The following DDX19B variants were observed in gnomAD, a reference collection of about 807,000 sequenced individuals.
DDX19B encodes the protein ATP-dependent RNA helicase DDX19B.
A neutral mutation model predicts 58.1 loss-of-function variants in DDX19B; 27 were observed. That is an observed-to-expected ratio of 0.46 (90% CI 0.34 to 0.64). The LOEUF is 0.64. Among genes scored for constraint, DDX19B ranks in the 30% least tolerant of loss-of-function variants. The pLI is 0.01. For synonymous variants in DDX19B, 187 were observed against 214.4 expected (o/e 0.87, Z 1.12); for missense variants, 399 against 596.5 (o/e 0.67, Z 3.45).
chr16:70,319,719 T>G (rs947544167), intron 5 of DDX19B: 1 of 151,910 alleles, frequency 6.6e-6, no homozygotes, highest in Non-Finnish European at 1.5e-5. Flanking sequence ...GGTGAGACCC[T>G]GTCTCTACTA....
At chr16:70,319,984 T>C (rs1253485429) in intron 5 of DDX19B, among the ~76,000 whole-genome samples, 1 of 152,204 alleles carries the variant, frequency 6.6e-6, no homozygotes, top group Non-Finnish European at 1.5e-5. Flanking sequence ...TTTCTCCAGA[T>C]GGATAGTGTC....
intron 1 of DDX19B, among the ~76,000 whole-genome samples, chr16:70,300,728 C>T (rs918778638): frequency 3.3e-5 from 5 of 151,814 alleles, no homozygotes; most frequent in Admixed American, 3.3e-4. Context: ...CGAGGTCTCA[C>T]TATATTACCC....
chr16:70,324,372 AAAAAAAAAAAAAAAAAG>A (rs1165731341), intron 5 of DDX19B, among the ~76,000 whole-genome samples, 196 bp from the exon 6 acceptor site: 2 of 150,008 alleles, frequency 1.3e-5, no homozygotes, highest in Admixed American at 6.6e-5. Context: ...CAAAAAAAAA[AAAAAAAAAAAAAAAAAG>A]AAGAAGATGT....
chr16:70,303,392 G>A (rs974643312), intron 1 of DDX19B, among the ~76,000 whole-genome samples: 6 of 152,136 alleles, frequency 3.9e-5, no homozygotes, highest in Admixed American at 6.6e-5. Context: ...CAAGCAATCC[G>A]CCCACCTGGG....
chr16:70,333,370 C>A, intron 11 of DDX19B, 151 bp from the exon 12 acceptor site: 3 of 1,316,030 alleles, frequency 2.3e-6, no homozygotes, highest in African/African-American at 3.0e-5. Context: ...GGCTTCGGGG[C>A]GTGGGGCTCT....
chr16:70,327,448 A>G (rs1188794348), intron 7 of DDX19B, among the ~76,000 whole-genome samples: 3 of 151,878 alleles, frequency 2.0e-5, no homozygotes, highest in Admixed American at 6.6e-5. Flanking sequence ...CAGGAGAATC[A>G]CTTGAACCCG....
chr16:70,325,166 T>C (rs910486527), intron 6 of DDX19B, among the ~76,000 whole-genome samples: 2 of 152,218 alleles, frequency 1.3e-5, no homozygotes, highest in African/African-American at 4.8e-5. Context: ...TCCTGTTTCC[T>C]TTTTCCATGG....
chr16:70,333,377 C>T (rs1963582703), intron 11 of DDX19B, 144 bp from the exon 12 acceptor site: 13 of 1,343,900 alleles, frequency 9.7e-6, no homozygotes, highest in Non-Finnish European at 1.2e-5. Context: ...GGGCGTGGGG[C>T]TCTGACTGTT....
chr16:70,298,957 C>T (rs1199058397), upstream of DDX19B: 4 of 335,338 alleles, frequency 1.2e-5, no homozygotes, highest in Non-Finnish European at 2.1e-5. Flanking sequence ...TTAGTGCCTA[C>T]TCTGCCACTG....
At chr16:70,306,124 A>C (rs906643621) in intron 1 of DDX19B, among the ~76,000 whole-genome samples, 1 of 149,912 alleles carries the variant, frequency 6.7e-6, no homozygotes, top group Non-Finnish European at 1.5e-5. Context: ...TTGTTAGGTC[A>C]GTTTTGTTGT....
intron 6 of DDX19B, 138 bp from the exon 7 acceptor site, chr16:70,325,436 G>C (rs1963088928): frequency 1.6e-6 from 1 of 634,258 alleles, no homozygotes; most frequent in Middle Eastern, 2.7e-4. Context: ...GTAGCTTAAA[G>C]AATCAAATGG....
intron 1 of DDX19B, among the ~76,000 whole-genome samples, chr16:70,308,684 T>C (rs1424964514): frequency 6.6e-6 from 1 of 152,026 alleles, no homozygotes; most frequent in East Asian, 1.9e-4. Flanking sequence ...TATTTTTATT[T>C]TTAATCTTTA....
In DDX19B at chr16:70,329,940, C is replaced by T. The variant is rs1180282628; in HGVS notation, c.895C>T (p.Arg299Cys). 5.0e-6 allele frequency: 8 copies of T among 1,614,096 alleles called. No individual in the cohort carries two copies. Among genetic ancestry groups the T allele is most frequent in the South Asian group, 2.2e-5 (2 of 91,090 alleles). The change falls in exon 9 of 12, where the codon CGT (arginine) becomes TGT (cysteine). Residue 299 changes from arginine to cysteine, a missense_variant. Physicochemically the swap from Arg to Cys is radical, Grantham distance 180. Coordinates refer to ENST00000288071, the MANE Select transcript of DDX19B (RefSeq NM_007242.7). ...AGACCCAAACGTTATCAAACTGAAG[C>T]GTGAGGAAGAGACCCTGGACACCAT... ...VPDPNVIKLK[R>C]EEETLDTIKQ... is the part of the protein sequence containing the mutation.
At chr16:70,290,794 C>A (rs554997600), upstream of DDX19B, among the ~76,000 whole-genome samples, 1 of 152,162 alleles carries the variant, frequency 6.6e-6, no homozygotes, top group African/African-American at 2.4e-5. Context: ...GCTGGAGTCC[C>A]CTTTTTACAA....
In DDX19B at chr16:70,314,967, G is replaced by A. The variant is rs376476466; in HGVS notation, c.160+12G>A. On this transcript the variant is annotated intron_variant, in intron 3 of 11. Transcript: ENST00000288071. ...TGAAGAAGAGAAAGGTAACACAGCC[G>A]TGGAGCTTTATATAATAACAAGCTT... 4.3e-4 allele frequency: 688 copies of A among 1,606,348 alleles called. 11 individuals carry two copies. The South Asian group carries it at 6.1e-3, about 14-fold the overall frequency.
intron 1 of DDX19B, among the ~76,000 whole-genome samples, chr16:70,303,455 TG>T (rs1182786740): frequency 2.0e-5 from 3 of 152,062 alleles, no homozygotes; most frequent in Admixed American, 6.6e-5. Context: ...TTATCGGATA[TG>T]TTTTGCATAT....
intron 3 of DDX19B, 38 bp downstream of exon 3, chr16:70,314,993 C>G: frequency 6.3e-7 from 1 of 1,595,860 alleles, no homozygotes; most frequent in African/African-American, 1.3e-5. Flanking sequence ...TAACAAGCTT[C>G]TACATTCTAA....
intron 5 of DDX19B, chr16:70,317,840 GA>G: frequency 4.0e-6 from 1 of 252,808 alleles, no homozygotes; most frequent in Non-Finnish European, 7.7e-6. Context: ...AGCTACTCAG[GA>G]GGCTGAGGCA....
At chr16:70,294,766 A>C (rs188811569), upstream of DDX19B, 1 of 1,158,660 alleles carries the variant, frequency 8.6e-7, no homozygotes, top group Non-Finnish European at 1.2e-6. Context: ...CAGGATTTCC[A>C]GGCCTCAGCC....
Sources: allele counts gnomAD v4.1 joint callset (sites outside exome capture counted in the v4.1 genomes callset), GRCh38; gene constraint gnomAD v4.1.1; transcripts MANE v1.5; gene names NCBI Gene and HGNC (gene_info 2026-07-23, HGNC 2026-07-21).